The following CPNE8 variants were observed in gnomAD, a reference collection of about 807,000 sequenced individuals.
CPNE8 encodes the protein copine 8.
Under a neutral mutation model 81.5 loss-of-function variants are expected in CPNE8, and 45 were observed. The observed-to-expected ratio is 0.55, with a 90% confidence interval of 0.44 to 0.71. CPNE8 has a LOEUF of 0.71. CPNE8 is among the 30% of genes least tolerant of loss of function. The pLI is 0.00. For missense variants in CPNE8, 594 were observed against 672.1 expected (o/e 0.88, Z 1.28); for synonymous variants, 252 against 226.3 (o/e 1.11, Z -1.02).
intron 6 of CPNE8, among the ~76,000 whole-genome samples, chr12:38,799,448 T>G (rs1271373880): frequency 6.6e-6 from 1 of 151,986 alleles, no homozygotes; most frequent in Non-Finnish European, 1.5e-5. Flanking sequence ...GAATGACTAC[T>G]GGGTACATAA....
intron 13 of CPNE8, chr12:38,721,325 T>G (rs967118750): frequency 6.5e-6 from 1 of 153,006 alleles, no homozygotes; most frequent in African/African-American, 2.4e-5. Context: ...AGGGCCTGCC[T>G]GCAGAGAAGA....
chr12:38,884,070 A>G (rs1419005129), intron 1 of CPNE8, among the ~76,000 whole-genome samples: 1 of 152,170 alleles, frequency 6.6e-6, no homozygotes, highest in Non-Finnish European at 1.5e-5. Flanking sequence ...GCCCTTTTAA[A>G]GTGTACAATC....
chr12:38,667,980 G>C (rs1391215772), intron 19 of CPNE8, among the ~76,000 whole-genome samples: 2 of 152,030 alleles, frequency 1.3e-5, no homozygotes, highest in Non-Finnish European at 2.9e-5. Context: ...TGTATTTTTA[G>C]TAGAGACGGG....
At chr12:38,795,142 T>G (rs773206083) in intron 6 of CPNE8, among the ~76,000 whole-genome samples, 9 of 152,218 alleles carry the variant, frequency 5.9e-5, no homozygotes, top group Non-Finnish European at 1.3e-4. Context: ...TTTGAGGTTT[T>G]GGGATTCAGA....
At chr12:38,764,316 A>G (rs1474309357) in intron 8 of CPNE8, among the ~76,000 whole-genome samples, 1 of 152,136 alleles carries the variant, frequency 6.6e-6, no homozygotes, top group Non-Finnish European at 1.5e-5. Flanking sequence ...GTACCAAAAA[A>G]TTTTTAAGAA....
At chr12:38,697,405 T>C (rs1472936033) in intron 14 of CPNE8, among the ~76,000 whole-genome samples, 1 of 152,250 alleles carries the variant, frequency 6.6e-6, no homozygotes, top group Non-Finnish European at 1.5e-5. Context: ...TTATCATTTA[T>C]CACTTGTTAG....
intron 5 of CPNE8, among the ~76,000 whole-genome samples, chr12:38,834,247 T>A (rs555878855): frequency 1.3e-5 from 2 of 152,316 alleles, no homozygotes; most frequent in South Asian, 4.1e-4. Flanking sequence ...TGGCTGATGG[T>A]TAGTAAATCT....
intron 19 of CPNE8, among the ~76,000 whole-genome samples, chr12:38,668,639 C>A (rs1939108879): frequency 6.6e-6 from 1 of 152,094 alleles, no homozygotes; most frequent in Non-Finnish European, 1.5e-5. Context: ...TGCAGTAATT[C>A]AATTTTTTGG....
At chr12:38,831,231 G>A (rs1044437740) in intron 5 of CPNE8, among the ~76,000 whole-genome samples, 25 of 152,242 alleles carry the variant, frequency 1.6e-4, no homozygotes, top group African/African-American at 5.3e-4. Flanking sequence ...AAGCAGAAAT[G>A]GAGATGAAGA....
intron 10 of CPNE8, 54 bp downstream of exon 10, chr12:38,760,793 T>C: frequency 7.4e-7 from 1 of 1,346,250 alleles, no homozygotes; most frequent in Non-Finnish European, 1.1e-6. Context: ...TTTCAATGTA[T>C]GTGCCTCTTA....
chr12:38,807,709 A>G (rs944188826), intron 6 of CPNE8, among the ~76,000 whole-genome samples: 15 of 151,306 alleles, frequency 9.9e-5, no homozygotes, highest in African/African-American at 3.4e-4. Context: ...CTTCATGTCT[A>G]AAACACCAAA....
intron 6 of CPNE8, among the ~76,000 whole-genome samples, chr12:38,789,674 G>A (rs918432629): frequency 2.8e-4 from 42 of 151,426 alleles, no homozygotes; most frequent in Admixed American, 2.4e-3. Context: ...CAGAATAAGA[G>A]AAAATATTTG....
intron 15 of CPNE8, among the ~76,000 whole-genome samples, chr12:38,687,848 T>C (rs535770911): frequency 6.6e-6 from 1 of 152,214 alleles, no homozygotes; most frequent in African/African-American, 2.4e-5. Flanking sequence ...TTTTTGAAAG[T>C]ATAAAAATAA....
chr12:38,798,832 C>A (rs893050966), intron 6 of CPNE8, among the ~76,000 whole-genome samples: 2 of 151,576 alleles, frequency 1.3e-5, no homozygotes, highest in African/African-American at 4.9e-5. Context: ...CACATAGGCT[C>A]AAAATAAAAG....
chr12:38,774,149 T>G (rs1036028147), intron 7 of CPNE8, among the ~76,000 whole-genome samples: 1 of 152,072 alleles, frequency 6.6e-6, no homozygotes, highest in South Asian at 2.1e-4. Flanking sequence ...AGAGTAGAAC[T>G]GAAAGTGGAA....
intron 1 of CPNE8, among the ~76,000 whole-genome samples, chr12:38,878,595 A>G (rs549273745): frequency 1.1e-3 from 167 of 152,170 alleles, no homozygotes; most frequent in Non-Finnish European, 2.1e-3. Flanking sequence ...AGTTTCCCAT[A>G]TAGTAGTTAC....
At chr12:38,686,334 T>C (rs920312532) in intron 15 of CPNE8, among the ~76,000 whole-genome samples, 1 of 152,174 alleles carries the variant, frequency 6.6e-6, no homozygotes, top group Non-Finnish European at 1.5e-5. Context: ...GCTCTTATTC[T>C]GGGAACAGCG....
intron 15 of CPNE8, among the ~76,000 whole-genome samples, chr12:38,689,909 A>G (rs188458701): frequency 1.9e-4 from 29 of 152,336 alleles, no homozygotes; most frequent in East Asian, 1.4e-3. Flanking sequence ...TTTCATAACC[A>G]TAAGTCTTGA....
chr12:38,780,112 T>C (rs1353871566), intron 6 of CPNE8, among the ~76,000 whole-genome samples: 1 of 152,076 alleles, frequency 6.6e-6, no homozygotes, highest in African/African-American at 2.4e-5. Context: ...AAGGGTCCAA[T>C]TTAATTCTTT....
Sources: gnomAD v4.1 joint callset for allele counts (sites outside exome capture counted in the v4.1 genomes callset) on GRCh38, gnomAD v4.1.1 for gene constraint, MANE v1.5 for transcripts, NCBI Gene and HGNC (gene_info 2026-07-23, HGNC 2026-07-21) for gene names.